Variants in PSMA8 observed in about 807,000 individuals in gnomAD.
The protein encoded by PSMA8 is proteasome 20S subunit alpha 8, also known as proteasome subunit alpha-type 8.
In PSMA8, 18 loss-of-function variants were observed where a neutral mutation model predicts 32.4. That is an observed-to-expected ratio of 0.56 (90% CI 0.38 to 0.82). PSMA8 has a LOEUF of 0.82. Among genes scored for constraint, PSMA8 ranks in the 40% least tolerant of loss-of-function variants. PSMA8 has a pLI of 0.00. For missense variants in PSMA8, 298 were observed against 300.7 expected, an observed-to-expected ratio of 0.99 and a Z score of 0.07; for synonymous variants, 104 against 98.1, an observed-to-expected ratio of 1.06 and a Z score of -0.36.
chr18:26,161,255 G>A (rs2055132442), intron 4 of PSMA8, among the ~76,000 whole-genome samples: 1 of 152,148 alleles, frequency 6.6e-6, no homozygotes, highest in African/African-American at 2.4e-5. Context: ...ATTTACAAGT[G>A]GGCCATTAAG....
At chr18:26,137,269 C>A (rs1425837868) in intron 1 of PSMA8, among the ~76,000 whole-genome samples, 1 of 152,052 alleles carries the variant, frequency 6.6e-6, no homozygotes. Flanking sequence ...ACCAGCCTGG[C>A]CAACATGGTG....
At chr18:26,190,854 T>G (rs374360471) in intron 6 of PSMA8, among the ~76,000 whole-genome samples, 1 of 152,364 alleles carries the variant, frequency 6.6e-6, no homozygotes, top group East Asian at 1.9e-4. Context: ...AATGATCTAT[T>G]TATATGCCAG....
intron 2 of PSMA8, among the ~76,000 whole-genome samples, chr18:26,148,435 A>G (rs988120597): frequency 6.6e-6 from 1 of 151,976 alleles, no homozygotes; most frequent in Non-Finnish European, 1.5e-5. Context: ...TATAAATTAT[A>G]TAGAAAATGC....
chr18:26,154,819 G>T (rs1277803630), intron 3 of PSMA8, among the ~76,000 whole-genome samples: 1 of 152,132 alleles, frequency 6.6e-6, no homozygotes, highest in Non-Finnish European at 1.5e-5. Context: ...GTTTCACCAT[G>T]TTGGCCAGGA....
chr18:26,177,826 T>C (rs1568068606), intron 4 of PSMA8, among the ~76,000 whole-genome samples: 1 of 149,972 alleles, frequency 6.7e-6, no homozygotes, highest in Non-Finnish European at 1.5e-5. Flanking sequence ...GTTGATGTCA[T>C]TTTTTTCCCC....
chr18:26,134,638 C>T (rs1360363213), intron 1 of PSMA8, among the ~76,000 whole-genome samples: 1 of 152,104 alleles, frequency 6.6e-6, no homozygotes, highest in African/African-American at 2.4e-5. Context: ...ATTAAAAACA[C>T]AGTTCAAACA....
chr18:26,157,488 A>G (rs1237528072), intron 3 of PSMA8, among the ~76,000 whole-genome samples: 1 of 152,112 alleles, frequency 6.6e-6, no homozygotes, highest in Non-Finnish European at 1.5e-5. Flanking sequence ...TACTCCTTAG[A>G]GCACAAATTC....
chr18:26,144,715 A>T (rs1277183782), intron 2 of PSMA8, 30 bp downstream of exon 2: 3 of 1,610,300 alleles, frequency 1.9e-6, no homozygotes, highest in South Asian at 1.1e-5. Flanking sequence ...AATGATGCAT[A>T]GTGTCTTACT....
chr18:26,192,140 T>G lies in PSMA8; in HGVS notation c.661-179T>G, dbSNP rs150094384. ...AGTAGAAATGTCAGAGATCTGGTTT[T>G]GCCCATAATTGTTATTGCTCTTAGA... On this transcript the variant is annotated intron_variant, in intron 6 of 6. Transcript: ENST00000415576. Among the ~76,000 whole-genome samples, 494 of 152,344 alleles carry G rather than the reference T, an allele frequency of 3.2e-3. 4 individuals carry two copies. The highest frequency in any genetic ancestry group is 0.011 in the African/African-American group (438 of 41,584).
intron 1 of PSMA8, among the ~76,000 whole-genome samples, chr18:26,134,718 G>A (rs1295098688): frequency 6.6e-6 from 1 of 152,128 alleles, no homozygotes; most frequent in African/African-American, 2.4e-5. Context: ...ACTTTGGAAG[G>A]CCCAGGAGGG....
chr18:26,162,282 T>C (rs1291670382), intron 4 of PSMA8, among the ~76,000 whole-genome samples: 1 of 150,616 alleles, frequency 6.6e-6, no homozygotes, highest in African/African-American at 2.5e-5. Flanking sequence ...ACTGAAACTT[T>C]GTACCCTTGA....
intron 6 of PSMA8, among the ~76,000 whole-genome samples, chr18:26,182,788 G>A (rs1413656388): frequency 6.6e-6 from 1 of 152,090 alleles, no homozygotes; most frequent in Admixed American, 6.6e-5. Flanking sequence ...AACATAGTTA[G>A]ACTGTGTCTC....
chr18:26,155,042 G>A (rs561414571), intron 3 of PSMA8, among the ~76,000 whole-genome samples: 11 of 152,140 alleles, frequency 7.2e-5, no homozygotes, highest in South Asian at 2.1e-4. Context: ...CAAGACCAGC[G>A]TGGGCAAAAT....
In PSMA8 at chr18:26,164,619, A is replaced by G. The variant is rs114381770; in HGVS notation, c.477+6375A>G. 5.2e-3 allele frequency among the ~76,000 whole-genome samples: 785 copies of G among 152,238 alleles called. 6 individuals carry two copies. Among genetic ancestry groups the G allele is most frequent in the African/African-American group, 0.018 (740 of 41,564 alleles). On this transcript the variant is annotated intron_variant, in intron 4 of 6. Transcript: ENST00000415576. ...AAGCATTCTACAGGATATTTCAAAA[A>G]TGTTAATGTTAATGAAAAACAAAAT...
chr18:26,192,518 A>T lies in PSMA8; in HGVS notation c.*107A>T, dbSNP rs2055412711. On this transcript the variant is annotated 3_prime_UTR_variant, in exon 7 of 7. Transcript: ENST00000415576. Reference sequence around the variant, plus strand: ...ACAGTTATTTTGCAGCATTACATGCAGTACTTGTGTGATGTTTTGAGAATG... The same window carrying T: ...ACAGTTATTTTGCAGCATTACATGCTGTACTTGTGTGATGTTTTGAGAATG... The T allele has an allele frequency of 1.6e-6, 2 of 1,282,868 alleles. No homozygotes were observed. Among genetic ancestry groups the T allele is most frequent in the South Asian group, 3.6e-5 (2 of 55,472 alleles). The allele number at this position is 1,282,868 out of a possible 1,614,324, so 79.5% of individuals were successfully genotyped here.
chr18:26,182,108 G>A (rs1392510029), intron 6 of PSMA8, among the ~76,000 whole-genome samples: 2 of 152,172 alleles, frequency 1.3e-5, no homozygotes, highest in Non-Finnish European at 2.9e-5. Flanking sequence ...GGAGCTAACA[G>A]AGGTTGGTTC....
chr18:26,141,698 GTTTC>G (rs1306656933), intron 1 of PSMA8, among the ~76,000 whole-genome samples: 1 of 136,714 alleles, frequency 7.3e-6, no homozygotes, highest in Non-Finnish European at 1.6e-5. Context: ...TCTTTTTTCT[GTTTC>G]TTTCTTTTTT....
chr18:26,158,372 C>A, intron 4 of PSMA8, 128 bp downstream of exon 4: 1 of 746,718 alleles, frequency 1.3e-6, no homozygotes, highest in Non-Finnish European at 2.1e-6. Context: ...TGTAACTATT[C>A]AGCTCGTCAG....
At chr18:26,191,425 T>C (rs2055401478) in intron 6 of PSMA8, among the ~76,000 whole-genome samples, 1 of 151,470 alleles carries the variant, frequency 6.6e-6, no homozygotes, top group Admixed American at 6.6e-5. Context: ...GGTCAGGAGT[T>C]CAAGACCAGC....
Sources: allele counts gnomAD v4.1 joint callset (sites outside exome capture counted in the v4.1 genomes callset), GRCh38; gene constraint gnomAD v4.1.1; transcripts MANE v1.5; gene names NCBI Gene and HGNC (gene_info 2026-07-23, HGNC 2026-07-21).